The following DOCK4 variants were observed in gnomAD, a reference collection of about 807,000 sequenced individuals.
DOCK4 encodes the protein dedicator of cytokinesis protein 4.
DOCK4 carries 97 observed loss-of-function variants against 268.1 expected under a neutral mutation model. The observed-to-expected ratio is 0.36, with a 90% confidence interval of 0.31 to 0.43. The LOEUF is 0.43. Among genes scored for constraint, DOCK4 ranks in the 20% least tolerant of loss-of-function variants. The pLI is 1.00. For synonymous variants in DOCK4, 954 were observed against 887.2 expected, an observed-to-expected ratio of 1.08 and a Z score of -1.34; for missense variants, 2,145 against 2,455.7, an observed-to-expected ratio of 0.87 and a Z score of 2.67.
chr7:111,742,067 A>G lies in DOCK4; in HGVS notation c.4743T>C (p.Leu1581=). ...AGAATTGGTCAACCAGCTTTTTGTGAAGGGGTCTCATATCTTGAGGTACAA... is the reference window on the plus strand; with the variant it reads ...AGAATTGGTCAACCAGCTTTTTGTGGAGGGGTCTCATATCTTGAGGTACAA... ...EKFVPQDMRP[L]HKKLVDQFFV... Residue 1581 remains leucine, a synonymous_variant, in exon 45 of 53, where the codon CTT becomes CTC. Coordinates refer to ENST00000428084, the MANE Select transcript of DOCK4 (RefSeq NM_001363540.2). The G allele has an allele frequency of 6.2e-7, 1 of 1,610,080 alleles. No homozygotes were observed.
intron 2 of DOCK4, among the ~76,000 whole-genome samples, chr7:112,002,724 G>A (rs554700661): frequency 5.3e-5 from 8 of 152,176 alleles, no homozygotes; most frequent in Admixed American, 2.6e-4. Context: ...ATATACTAAC[G>A]GGGCTCTAAA....
At chr7:111,890,818 A>T (rs1215080478) in intron 16 of DOCK4, among the ~76,000 whole-genome samples, 1 of 152,252 alleles carries the variant, frequency 6.6e-6, no homozygotes, top group Non-Finnish European at 1.5e-5. Flanking sequence ...AGCTCACTGC[A>T]GGATTGAGTC....
intron 8 of DOCK4, among the ~76,000 whole-genome samples, chr7:111,960,279 G>A (rs891811854): frequency 2.6e-4 from 39 of 150,712 alleles, no homozygotes; most frequent in African/African-American, 7.8e-4. Context: ...CAGGAGAATC[G>A]CTTGAACCCG....
chr7:112,011,469 C>T (rs923668682), intron 1 of DOCK4, among the ~76,000 whole-genome samples: 2 of 151,998 alleles, frequency 1.3e-5, no homozygotes, highest in Admixed American at 6.6e-5. Context: ...AAGGATTTTG[C>T]TAAGTTTTTC....
intron 16 of DOCK4, among the ~76,000 whole-genome samples, chr7:111,890,171 T>C (rs554688026): frequency 6.6e-6 from 1 of 152,324 alleles, no homozygotes; most frequent in African/African-American, 2.4e-5. Flanking sequence ...GATTTGACTT[T>C]TGGAGAACAA....
chr7:111,952,129 C>T (rs1470251383), intron 8 of DOCK4, among the ~76,000 whole-genome samples: 1 of 148,884 alleles, frequency 6.7e-6, no homozygotes, highest in Non-Finnish European at 1.5e-5. Flanking sequence ...AATGAATAAA[C>T]AAACAAAACT....
intron 1 of DOCK4, among the ~76,000 whole-genome samples, chr7:112,137,976 T>C (rs987753116): frequency 1.3e-5 from 2 of 152,258 alleles, no homozygotes; most frequent in African/African-American, 4.8e-5. Flanking sequence ...ATGTTAGCCA[T>C]GATCATAATC....
chr7:111,757,059 A>C (rs1797069184), intron 41 of DOCK4, among the ~76,000 whole-genome samples: 1 of 152,018 alleles, frequency 6.6e-6, no homozygotes, highest in Non-Finnish European at 1.5e-5. Flanking sequence ...CAGCGCTGGC[A>C]GGAGGAGCGG....
At chr7:111,931,206 T>A (rs929611328) in intron 12 of DOCK4, among the ~76,000 whole-genome samples, 1 of 152,260 alleles carries the variant, frequency 6.6e-6, no homozygotes, top group Non-Finnish European at 1.5e-5. Flanking sequence ...AATCTGAGCA[T>A]CACAGCAGGC....
chr7:111,779,599 C>T (rs911730129), intron 35 of DOCK4, among the ~76,000 whole-genome samples: 1 of 152,166 alleles, frequency 6.6e-6, no homozygotes, highest in Non-Finnish European at 1.5e-5. Flanking sequence ...TGCCATGATG[C>T]CCAGGCTAGT....
intron 1 of DOCK4, among the ~76,000 whole-genome samples, chr7:112,073,223 G>C (rs189423774): frequency 6.6e-6 from 1 of 152,012 alleles, no homozygotes; most frequent in Admixed American, 6.5e-5. Flanking sequence ...TTTCTTCTGA[G>C]GAGCCAAGAA....
chr7:111,928,994 T>A (rs1345073629), intron 12 of DOCK4, among the ~76,000 whole-genome samples: 1 of 152,228 alleles, frequency 6.6e-6, no homozygotes, highest in Admixed American at 6.5e-5. Context: ...CTGATTTAGA[T>A]AACTGTACTG....
chr7:112,119,865 C>T (rs571559322), intron 1 of DOCK4, among the ~76,000 whole-genome samples: 147 of 148,764 alleles, frequency 9.9e-4, no homozygotes, highest in African/African-American at 3.3e-3. Flanking sequence ...TTTTTTTTTC[C>T]GAGATGGAGT....
intron 23 of DOCK4, among the ~76,000 whole-genome samples, chr7:111,851,360 G>A (rs569390891): frequency 3.4e-5 from 5 of 148,974 alleles, no homozygotes; most frequent in East Asian, 2.0e-4. Context: ...CAGGAGAATC[G>A]CTTGAACCTG....
intron 30 of DOCK4, chr7:111,807,452 G>T (rs1800757909): frequency 6.6e-6 from 1 of 151,256 alleles, no homozygotes; most frequent in Non-Finnish European, 1.5e-5. Context: ...ATAGTTGAAG[G>T]TTGTTTTCAA....
Position 112,194,214 on chromosome 7 carries a change from G to A in DOCK4, c.37+11888C>T, listed in dbSNP as rs575178737. On this transcript the variant is annotated intron_variant, in intron 1 of 52. Coordinates refer to ENST00000428084, the MANE Select transcript of DOCK4 (RefSeq NM_001363540.2). The stretch of plus-strand genomic sequence containing the variant: ...GTTGACTCTCTATGTTGAAAGGTCT[G>A]TCCTGCACAAATTATCCCTGGGTCC... Among the ~76,000 whole-genome samples, 3 of 152,326 alleles carry A rather than the reference G, an allele frequency of 2.0e-5. No individual in the cohort carries two copies. In the East Asian group the frequency reaches 5.8e-4, roughly 29 times the overall value.
intron 35 of DOCK4, 78 bp downstream of exon 35, chr7:111,782,786 A>G: frequency 7.0e-7 from 1 of 1,433,412 alleles, no homozygotes; most frequent in South Asian, 1.2e-5. Context: ...CAGATTAAAC[A>G]CAAACAAAAC....
At chr7:111,856,908 A>AT (rs1391318855) in intron 23 of DOCK4, among the ~76,000 whole-genome samples, 2 of 152,186 alleles carry the variant, frequency 1.3e-5, no homozygotes, top group African/African-American at 2.4e-5. Context: ...AGGTCTGTAC[A>AT]TTTTTTGCAA....
In DOCK4 at chr7:111,728,436, G is replaced by GGGGC; in HGVS notation, c.5762_5765dup (p.Val1923ProfsTer39). On this transcript the variant is annotated frameshift_variant, in exon 53 of 53. Transcript: ENST00000428084. LOFTEE classifies it high-confidence loss of function. Reference sequence around the variant, plus strand: ...TGGAGAGGCTGTGAGGTAGCGGGACGGGGCGCCGCAGAGTCCGCTCGTAGA... The same window carrying GGGGC: ...TGGAGAGGCTGTGAGGTAGCGGGACGGGGCGGGCGCCGCAGAGTCCGCTCGTAGA... The GGGGC allele has an allele frequency of 6.3e-7, 1 of 1,593,114 alleles. No homozygotes were observed. The highest frequency in any genetic ancestry group is 8.6e-7 in the Non-Finnish European group (1 of 1,168,214).
Sources: gnomAD v4.1 joint callset for allele counts (sites outside exome capture counted in the v4.1 genomes callset) on GRCh38, gnomAD v4.1.1 for gene constraint, MANE v1.5 for transcripts, NCBI Gene and HGNC (gene_info 2026-07-23, HGNC 2026-07-21) for gene names.